Variants in RYR3 observed in about 807,000 individuals in gnomAD.
RYR3 encodes the protein ryanodine receptor 3.
RYR3 carries 207 observed loss-of-function variants against 584.3 expected under a neutral mutation model. That is an observed-to-expected ratio of 0.35 (90% CI 0.32 to 0.40). The LOEUF (loss-of-function observed/expected upper bound fraction) is 0.40. Among genes scored for constraint, RYR3 ranks in the 10% least tolerant of loss-of-function variants. RYR3 has a pLI of 1.00. For synonymous variants in RYR3, 2,416 were observed against 2,248.5 expected, an observed-to-expected ratio of 1.07 and a Z score of -2.11; for missense variants, 5,616 against 6,089.2, an observed-to-expected ratio of 0.92 and a Z score of 2.59.
At chr15:33,625,342 A>G (rs976867632) in intron 20 of RYR3, among the ~76,000 whole-genome samples, 13 of 152,234 alleles carry the variant, frequency 8.5e-5, no homozygotes, top group African/African-American at 3.1e-4. Context: ...CACAGAGCCA[A>G]ACTATATCAC....
intron 1 of RYR3, among the ~76,000 whole-genome samples, chr15:33,466,229 G>A (rs1398365155): frequency 6.6e-6 from 1 of 152,154 alleles, no homozygotes; most frequent in Non-Finnish European, 1.5e-5. Context: ...ACTGGTCCTG[G>A]AGCACCACTG....
At position 33,826,171 on chromosome 15, in the gene RYR3, G is replaced by C; in HGVS notation, c.11147-81G>C. On this transcript the variant is annotated intron_variant, in intron 82 of 103. Transcript: ENST00000634891. ...CATCTAGGATGGATGTGTTCACATA[G>C]CCAGTTTTAACTAAAGACAGTTTAT... 6 of 1,374,004 alleles carry C rather than the reference G, an allele frequency of 4.4e-6. No homozygotes were observed. In the East Asian group the frequency reaches 9.1e-5, roughly 21 times the overall value. 85.1% of individuals were successfully genotyped at this position (1,374,004 alleles called of 1,614,324 possible).
intron 1 of RYR3, among the ~76,000 whole-genome samples, chr15:33,398,902 G>C (rs1338056391): frequency 6.6e-6 from 1 of 152,204 alleles, no homozygotes; most frequent in East Asian, 1.9e-4. Flanking sequence ...CACCTGCCAG[G>C]TGTCATCTCA....
chr15:33,420,768 G>A (rs1001263088), intron 1 of RYR3, among the ~76,000 whole-genome samples: 3 of 152,060 alleles, frequency 2.0e-5, no homozygotes, highest in Admixed American at 1.3e-4. Context: ...TGTTGCTTCT[G>A]ATAAGGCCCC....
chr15:33,825,472 C>A, intron 81 of RYR3, 131 bp from the exon 82 acceptor site: 1 of 601,042 alleles, frequency 1.7e-6, no homozygotes, highest in Non-Finnish European at 2.9e-6. Flanking sequence ...TTGCAACCAC[C>A]CTGGAATGTG....
intron 7 of RYR3, among the ~76,000 whole-genome samples, chr15:33,542,289 G>T (rs1242502484): frequency 6.6e-6 from 1 of 152,100 alleles, no homozygotes; most frequent in Non-Finnish European, 1.5e-5. Context: ...TGTTCTCTGT[G>T]TGAGTAGGAT....
At chr15:33,315,449 C>T (rs1282115097) in intron 1 of RYR3, among the ~76,000 whole-genome samples, 5 of 152,166 alleles carry the variant, frequency 3.3e-5, no homozygotes. Context: ...ATTCAGACCT[C>T]AGATACCCAG....
intron 64 of RYR3, among the ~76,000 whole-genome samples, chr15:33,775,407 A>G (rs2073931192): frequency 6.6e-6 from 1 of 152,174 alleles, no homozygotes; most frequent in African/African-American, 2.4e-5. Flanking sequence ...GCAGCTTCGC[A>G]TCTGAGAACC....
intron 55 of RYR3, among the ~76,000 whole-genome samples, chr15:33,748,780 G>A (rs1233556322): frequency 6.6e-6 from 1 of 152,106 alleles, no homozygotes; most frequent in African/African-American, 2.4e-5. Context: ...AGCACCACCA[G>A]CGCACTAGAG....
At chr15:33,341,159 C>T (rs1479915169) in intron 1 of RYR3, among the ~76,000 whole-genome samples, 1 of 152,160 alleles carries the variant, frequency 6.6e-6, no homozygotes, top group Non-Finnish European at 1.5e-5. Flanking sequence ...CTGCCTCAGC[C>T]TCCCGAGTAG....
At chr15:33,529,472 A>G (rs1295327605) in intron 3 of RYR3, among the ~76,000 whole-genome samples, 5 of 152,074 alleles carry the variant, frequency 3.3e-5, no homozygotes, top group African/African-American at 1.2e-4. Context: ...GACACGGGAG[A>G]CGGGCAGAGC....
rs200252156 is a variant in RYR3 at position 33,751,579 on chromosome 15, GTT to G, written c.8399+1305_8399+1306del. ...AAGCCTTCACCCAGTTTTTGATGAG[GTT>G]TTTTTTTTTTTCTTGTAAATTTAAG... On this transcript the variant is annotated intron_variant, in intron 57 of 103. Transcript: ENST00000634891. 7.4e-3 allele frequency among the ~76,000 whole-genome samples: 1,092 copies of G among 147,840 alleles called. 11 individuals are homozygous for G. The highest frequency in any genetic ancestry group is 0.025 in the African/African-American group (1,016 of 40,494).
chr15:33,365,335 C>A lies in RYR3; in HGVS notation c.51+54239C>A, dbSNP rs1252234730. Among the ~76,000 whole-genome samples, 5 of 152,122 alleles carry A rather than the reference C, an allele frequency of 3.3e-5. No homozygotes were observed. The East Asian group carries it at 9.6e-4, about 29-fold the overall frequency. On this transcript the variant is annotated intron_variant, in intron 1 of 103. Coordinates refer to ENST00000634891, the MANE Select transcript of RYR3 (RefSeq NM_001036.6). ...GGGACCAAAAGTCAGTCAGTGAAATCACTGAACTTTCTGATAGACTCTTTG... is the reference window on the plus strand; with the variant it reads ...GGGACCAAAAGTCAGTCAGTGAAATAACTGAACTTTCTGATAGACTCTTTG...
chr15:33,551,143 T>G (rs554422950), intron 10 of RYR3, among the ~76,000 whole-genome samples: 69 of 152,310 alleles, frequency 4.5e-4, no homozygotes, highest in East Asian at 4.2e-3. Context: ...TGACAGACAG[T>G]TGGATGGTCT....
chr15:33,509,411 T>TA (rs544356381), intron 3 of RYR3, among the ~76,000 whole-genome samples: 8 of 152,228 alleles, frequency 5.3e-5, no homozygotes, highest in Non-Finnish European at 8.8e-5. Context: ...CTGAGGTTTT[T>TA]ATCTTCCCTT....
intron 8 of RYR3, among the ~76,000 whole-genome samples, chr15:33,546,897 C>G (rs2056286095): frequency 6.6e-6 from 1 of 152,192 alleles, no homozygotes; most frequent in East Asian, 1.9e-4. Context: ...GGTTTGACCA[C>G]TTCAATTGTG....
intron 1 of RYR3, among the ~76,000 whole-genome samples, chr15:33,416,781 C>T (rs1567195145): frequency 1.3e-5 from 2 of 152,060 alleles, no homozygotes; most frequent in Admixed American, 6.6e-5. Flanking sequence ...ATGTCTGGAA[C>T]AGTATTTCCT....
intron 5 of RYR3, among the ~76,000 whole-genome samples, chr15:33,536,256 G>T (rs1212023056): frequency 6.6e-6 from 1 of 152,080 alleles, no homozygotes; most frequent in East Asian, 1.9e-4. Context: ...AAAGTTTGGG[G>T]GCAGTTTCTT....
intron 10 of RYR3, among the ~76,000 whole-genome samples, chr15:33,558,586 G>T (rs2057230871): frequency 6.6e-6 from 1 of 152,130 alleles, no homozygotes; most frequent in East Asian, 1.9e-4. Flanking sequence ...ATAGCAGGAT[G>T]GTTTATATTC....
Sources: allele counts gnomAD v4.1 joint callset (sites outside exome capture counted in the v4.1 genomes callset), GRCh38; gene constraint gnomAD v4.1.1; transcripts MANE v1.5; gene names NCBI Gene and HGNC (gene_info 2026-07-23, HGNC 2026-07-21).